KIF1B: variants seen among roughly 807,000 people sequenced by gnomAD.
KIF1B encodes kinesin-like protein KIF1B.
In KIF1B, 76 loss-of-function variants were observed where a neutral mutation model predicts 241.9. The observed-to-expected ratio is 0.31, with a 90% CI of 0.26 to 0.38. KIF1B has a LOEUF of 0.38. Ranked by LOEUF, KIF1B falls within the 10% of genes least tolerant of loss-of-function variation. The pLI, the probability that KIF1B is intolerant of heterozygous loss-of-function variation, is 1.00. For synonymous variants in KIF1B, 750 were observed against 796.7 expected (o/e 0.94, Z 0.99); for missense variants, 1,622 against 2,271.4 (o/e 0.71, Z 5.81).
intron 2 of KIF1B, among the ~76,000 whole-genome samples, chr1:10,246,572 C>T (rs766918918): frequency 4.6e-5 from 7 of 152,168 alleles, no homozygotes; most frequent in Middle Eastern, 3.4e-3. Context: ...GGTGAAACCC[C>T]GTCTCTACTA....
At chr1:10,265,660 C>A (rs1019670990) in intron 5 of KIF1B, among the ~76,000 whole-genome samples, 3 of 152,010 alleles carry the variant, frequency 2.0e-5, no homozygotes, top group Admixed American at 1.3e-4. Context: ...GCCTGGGCAA[C>A]GTGGTGAGAC....
chr1:10,261,499 C>T (rs994978635), intron 4 of KIF1B, among the ~76,000 whole-genome samples: 1 of 152,132 alleles, frequency 6.6e-6, no homozygotes, highest in Admixed American at 6.6e-5. Flanking sequence ...GCCTCGTCCT[C>T]CCAAAGTGCT....
At chr1:10,234,446 G>C (rs565035739) in intron 2 of KIF1B, among the ~76,000 whole-genome samples, 1 of 152,124 alleles carries the variant, frequency 6.6e-6, no homozygotes, top group East Asian at 1.9e-4. Flanking sequence ...GACTTCAAGT[G>C]ATCCACCTGC....
intron 1 of KIF1B, among the ~76,000 whole-genome samples, chr1:10,212,902 AT>A (rs1162653962): frequency 9.7e-6 from 1 of 102,668 alleles, no homozygotes; most frequent in African/African-American, 4.8e-5. Context: ...ATATATATAT[AT>A]ATATATATAT....
At position 10,373,545 on chromosome 1, in the gene KIF1B, C is replaced by CA. The variant is rs796599901; in HGVS notation, c.4947-759dup. Among the ~76,000 whole-genome samples, 66 of 134,150 alleles carry CA rather than the reference C, an allele frequency of 4.9e-4. 1 individual carries two copies. Among genetic ancestry groups the CA allele is most frequent in the East Asian group, 2.7e-3 (13 of 4,760 alleles). 88.0% of individuals were successfully genotyped at this position (134,150 alleles called of 152,430 possible). A position where few individuals can be genotyped will look rare whatever the true frequency, so the allele number is the denominator to read the frequency against. ...CCACTGCACCTGGCTAACTTGATTT[C>CA]AAAAAAAAAAAAGAATGAAGTATGA... On this transcript the variant is annotated intron_variant, in intron 45 of 48. Transcript: ENST00000676179.
chr1:10,284,639 T>G (rs188387023), intron 15 of KIF1B, among the ~76,000 whole-genome samples: 60 of 152,180 alleles, frequency 3.9e-4, no homozygotes, highest in Non-Finnish European at 7.2e-4. Flanking sequence ...GCCTGGAGAT[T>G]GCGCCATTGC....
In KIF1B at chr1:10,360,055, AT is replaced by A. The variant is rs562767923; in HGVS notation, c.4056-873del. 5.1e-3 allele frequency among the ~76,000 whole-genome samples: 759 copies of A among 149,700 alleles called. 6 individuals carry two copies. Among genetic ancestry groups the A allele is most frequent in the African/African-American group, 0.018 (718 of 39,218 alleles). ...CTCAAAAATAAAATAAAATAAAAAA[AT>A]AATAAAATAAAATAAAATAATGCTC... On this transcript the variant is annotated intron_variant, in intron 38 of 48. Coordinates refer to ENST00000676179, the MANE Select transcript of KIF1B (RefSeq NM_001365951.3).
chr1:10,333,871 G>A (rs773603885), intron 27 of KIF1B, among the ~76,000 whole-genome samples: 3 of 151,594 alleles, frequency 2.0e-5, no homozygotes, highest in Admixed American at 6.6e-5. Flanking sequence ...GGTTAAGCTC[G>A]CCTGGGCACG....
At chr1:10,297,445 T>C (rs1362121415) in intron 22 of KIF1B, among the ~76,000 whole-genome samples, 199 bp downstream of exon 22, 1 of 152,228 alleles carries the variant, frequency 6.6e-6, no homozygotes, top group Non-Finnish European at 1.5e-5. Flanking sequence ...AGGTACTCTT[T>C]TGGGCTTTTT....
chr1:10,304,474 C>T (rs146807975), intron 22 of KIF1B: 255 of 1,610,234 alleles, frequency 1.6e-4, no homozygotes, highest in Non-Finnish European at 2.0e-4. Context: ...TCATCAACAC[C>T]GTCAGTCTTA....
At chr1:10,285,776 G>C (rs1649659626) in intron 15 of KIF1B, among the ~76,000 whole-genome samples, 1 of 152,176 alleles carries the variant, frequency 6.6e-6, no homozygotes. Flanking sequence ...CGTAGCGCCA[G>C]GGCAATGGTT....
At chr1:10,298,919 G>A (rs548729625) in intron 22 of KIF1B, 1 of 152,226 alleles carries the variant, frequency 6.6e-6, no homozygotes, top group Non-Finnish European at 1.5e-5. Flanking sequence ...ACTTTGGGAA[G>A]CCTAGGCAGG....
Position 10,260,357 on chromosome 1 carries a change from CAGTG to C in KIF1B, c.364-1545_364-1542del, listed in dbSNP as rs561561976. ...GGGCTGGAAGTTGCTCTGGGTGAGT[CAGTG>C]AGCAAGTGGTGAGTAAATGTGAAGG... is the stretch of plus-strand genomic sequence containing the variant. On this transcript the variant is annotated intron_variant, in intron 4 of 48. Coordinates refer to ENST00000676179, the MANE Select transcript of KIF1B (RefSeq NM_001365951.3). Among the ~76,000 whole-genome samples the C allele has an allele frequency of 7.1e-4, 108 of 152,276 alleles. 1 individual carries two copies. The highest frequency in any genetic ancestry group is 2.5e-3 in the African/African-American group (104 of 41,550).
intron 43 of KIF1B, among the ~76,000 whole-genome samples, chr1:10,367,715 T>G (rs1336644617): frequency 1.3e-5 from 2 of 150,176 alleles, no homozygotes; most frequent in African/African-American, 2.4e-5. Flanking sequence ...TTTGTAGGTG[T>G]TTTTTTTGTT....
Position 10,379,898 on chromosome 1 carries a change from T to C in KIF1B, c.*3311T>C. 2 of 229,958 alleles carry C rather than the reference T, an allele frequency of 8.7e-6. No homozygotes were observed. The highest frequency in any genetic ancestry group is 1.7e-5 in the Non-Finnish European group (2 of 115,888). 14.2% of individuals were successfully genotyped at this position (229,958 alleles called of 1,614,324 possible). ...CAGGAGCACAGGCAAGGGGTGCTTG[T>C]GGCAGTGGCCGGGCACCTGAGCCCC... On this transcript the variant is annotated 3_prime_UTR_variant, in exon 49 of 49. Coordinates refer to ENST00000676179, the MANE Select transcript of KIF1B (RefSeq NM_001365951.3).
chr1:10,259,627 C>G (rs1212134209), intron 4 of KIF1B, among the ~76,000 whole-genome samples: 1 of 151,900 alleles, frequency 6.6e-6, no homozygotes, highest in East Asian at 1.9e-4. Context: ...CTCAGCCTCC[C>G]AAGTAGCTGG....
In KIF1B at chr1:10,343,267, C is replaced by T. The variant is rs1285269927; in HGVS notation, c.3668C>T (p.Pro1223Leu). Residue 1223 changes from proline (P) to leucine (L), a missense_variant, in exon 34 of 49, where the codon CCC (proline) becomes CTC (leucine). By Grantham distance (98) the Pro-to-Leu change is moderately conservative. Transcript: ENST00000676179. ...PQPCRRFFPP[P>L]MPLSKPVPAT... ...CCGTGCCGCCGATTCTTCCCTCCACCCATGCCACTGTCCAAGCCAGGTGAG... is the reference window on the plus strand; with the variant it reads ...CCGTGCCGCCGATTCTTCCCTCCACTCATGCCACTGTCCAAGCCAGGTGAG... 4 of 1,614,082 alleles carry T rather than the reference C, an allele frequency of 2.5e-6. No individual in the cohort carries two copies. In the African/African-American group the frequency reaches 5.3e-5, roughly 22 times the overall value.
At chr1:10,225,825 T>G (rs1646901945) in intron 1 of KIF1B, among the ~76,000 whole-genome samples, 1 of 152,120 alleles carries the variant, frequency 6.6e-6, no homozygotes, top group Non-Finnish European at 1.5e-5. Flanking sequence ...TGAATGCCAT[T>G]GTGGGGAGTT....
chr1:10,251,689 C>G (rs1647455681), intron 2 of KIF1B, among the ~76,000 whole-genome samples: 2 of 151,028 alleles, frequency 1.3e-5, no homozygotes, highest in Admixed American at 1.3e-4. Flanking sequence ...AGCTGAGATC[C>G]TACCATTGCA....
Sources: gnomAD v4.1 joint callset for allele counts (sites outside exome capture counted in the v4.1 genomes callset) on GRCh38, gnomAD v4.1.1 for gene constraint, MANE v1.5 for transcripts, NCBI Gene and HGNC (gene_info 2026-07-23, HGNC 2026-07-21) for gene names.